The following RBFOX1 variants were observed in gnomAD, a reference collection of about 807,000 sequenced individuals.
RBFOX1 encodes the protein RNA binding protein fox-1 homolog 1.
A neutral mutation model predicts 57.7 loss-of-function variants in RBFOX1; 8 were observed. The observed-to-expected ratio is 0.14, with a 90% CI of 0.08 to 0.25. The LOEUF (loss-of-function observed/expected upper bound fraction) is 0.25. RBFOX1 is among the 10% of genes least tolerant of loss of function. The pLI is 1.00. For missense variants in RBFOX1, 611 were observed against 548.5 expected (o/e 1.11, Z -1.14); for synonymous variants, 326 against 222.4 (o/e 1.47, Z -4.15).
chr16:6,077,490 C>G (rs959543813), intron 1 of RBFOX1, among the ~76,000 whole-genome samples: 1 of 152,032 alleles, frequency 6.6e-6, no homozygotes, highest in Non-Finnish European at 1.5e-5. Flanking sequence ...CACCCATGAC[C>G]ACCACCATCC....
rs150699846 is a variant in RBFOX1 at position 6,272,794 on chromosome 16, A to C, written c.-126-44201A>C. Among the ~76,000 whole-genome samples the C allele has an allele frequency of 6.9e-4, 105 of 152,336 alleles. 1 individual carries two copies. The East Asian group carries it at 0.012, about 17-fold the overall frequency. Reference sequence around the variant, plus strand: ...GAAATAGACCTACATAAGTATGTCCAACTGATTTTTGACAAAGGTGAAAAG... The same window carrying C: ...GAAATAGACCTACATAAGTATGTCCCACTGATTTTTGACAAAGGTGAAAAG... On this transcript the variant is annotated intron_variant, in intron 1 of 15. Coordinates refer to ENST00000550418, the MANE Select transcript of RBFOX1 (RefSeq NM_018723.4).
At chr16:5,641,640 G>C (rs1479837866) in intron 3 of RBFOX1, among the ~76,000 whole-genome samples, 1 of 152,222 alleles carries the variant, frequency 6.6e-6, no homozygotes, top group South Asian at 2.1e-4. Context: ...TGGCACTGCA[G>C]TGGCCTGGGG....
At chr16:6,846,174 C>G (rs1284519528) in intron 3 of RBFOX1, among the ~76,000 whole-genome samples, 1 of 152,154 alleles carries the variant, frequency 6.6e-6, no homozygotes, top group Non-Finnish European at 1.5e-5. Flanking sequence ...GGTGGCCCAT[C>G]CAATAAATAT....
intron 5 of RBFOX1, among the ~76,000 whole-genome samples, chr16:7,560,241 C>T (rs915252713): frequency 6.6e-6 from 1 of 152,214 alleles, no homozygotes. Flanking sequence ...GTCAAGAACC[C>T]CCTATGGGGG....
At chr16:7,520,011 G>A (rs999233508) in intron 5 of RBFOX1, among the ~76,000 whole-genome samples, 3 of 151,854 alleles carry the variant, frequency 2.0e-5, no homozygotes, top group Non-Finnish European at 4.4e-5. Flanking sequence ...TCAGTCTCCC[G>A]AGTAGCTGGG....
intron 2 of RBFOX1, chr16:6,483,558 A>C: frequency 6.5e-7 from 1 of 1,531,780 alleles, no homozygotes; most frequent in Non-Finnish European, 8.7e-7. Context: ...CGGCGAGCGA[A>C]GAAGACTCTA....
intron 1 of RBFOX1, among the ~76,000 whole-genome samples, chr16:6,164,945 G>A (rs2096906337): frequency 6.6e-6 from 1 of 152,122 alleles, no homozygotes; most frequent in Admixed American, 6.6e-5. Context: ...TGGGGGGAAA[G>A]TGTGCAGTTC....
At chr16:5,936,626 G>C (rs1295177439) in intron 4 of RBFOX1, among the ~76,000 whole-genome samples, 2 of 152,186 alleles carry the variant, frequency 1.3e-5, no homozygotes, top group African/African-American at 2.4e-5. Context: ...GATGGTGGAT[G>C]ATGAACATTT....
Position 6,219,627 on chromosome 16 carries a change from C to A in RBFOX1, c.-126-97368C>A, listed in dbSNP as rs184338467. On this transcript the variant is annotated intron_variant, in intron 1 of 15. Coordinates refer to ENST00000550418, the MANE Select transcript of RBFOX1 (RefSeq NM_018723.4). Reference sequence around the variant, plus strand: ...TGGTGGCTCATGCTTGTAATCCCAGCATTTTGGGAGGCCGAGGTGGGCAGA... The same window carrying A: ...TGGTGGCTCATGCTTGTAATCCCAGAATTTTGGGAGGCCGAGGTGGGCAGA... Among the ~76,000 whole-genome samples, 8 of 152,178 alleles carry A rather than the reference C, an allele frequency of 5.3e-5. No individual in the cohort carries two copies. In the East Asian group the frequency reaches 1.5e-3, roughly 29 times the overall value.
chr16:5,361,934 C>T (rs1390364905), intron 1 of RBFOX1, among the ~76,000 whole-genome samples: 2 of 152,192 alleles, frequency 1.3e-5, no homozygotes, highest in African/African-American at 2.4e-5. Context: ...GGACAGCAGG[C>T]AGATAATGCT....
At chr16:6,835,681 G>T (rs537069052) in intron 3 of RBFOX1, among the ~76,000 whole-genome samples, 48 of 141,974 alleles carry the variant, frequency 3.4e-4, no homozygotes, top group African/African-American at 1.1e-3. Flanking sequence ...TTGAACCTCA[G>T]AGGTAGAGGT....
intron 5 of RBFOX1, among the ~76,000 whole-genome samples, chr16:7,560,935 T>C (rs573052384): frequency 3.2e-4 from 49 of 152,354 alleles, no homozygotes; most frequent in African/African-American, 1.1e-3. Context: ...GGCCGAATTA[T>C]GTATCCAAAT....
chr16:7,619,525 A>C (rs1233420227), intron 10 of RBFOX1, among the ~76,000 whole-genome samples: 2 of 152,198 alleles, frequency 1.3e-5, no homozygotes, highest in African/African-American at 4.8e-5. Flanking sequence ...TTAGAAGGCA[A>C]TTCAAGATGA....
At chr16:5,771,429 G>C (rs1219877449) in intron 3 of RBFOX1, among the ~76,000 whole-genome samples, 1 of 152,022 alleles carries the variant, frequency 6.6e-6, no homozygotes. Flanking sequence ...GTTTTCTTGA[G>C]GTGGAGTCTC....
At chr16:6,430,774 A>T in intron 2 of RBFOX1, among the ~76,000 whole-genome samples, 1 of 152,114 alleles carries the variant, frequency 6.6e-6, no homozygotes, top group Middle Eastern at 3.4e-3. Flanking sequence ...TAGAAAGGCC[A>T]CTCTGGCTGC....
Position 5,340,277 on chromosome 16 carries a change from A to G in RBFOX1, c.219+100172A>G, listed in dbSNP as rs1330752321. Among the ~76,000 whole-genome samples the G allele has an allele frequency of 2.0e-5, 3 of 152,276 alleles. No homozygotes were observed. In the South Asian group the frequency reaches 6.2e-4, roughly 32 times the overall value. The stretch of plus-strand genomic sequence containing the variant: ...TAAGACCATATGTTAAATACTGGGG[A>G]AAGGGGAGGAATTTGGACCAGGTTT... On this transcript the variant is annotated intron_variant, in intron 1 of 2. Coordinates refer to the RBFOX1 transcript ENST00000585867.
chr16:6,992,706 T>C (rs1049287590), intron 3 of RBFOX1, among the ~76,000 whole-genome samples: 35 of 152,108 alleles, frequency 2.3e-4, no homozygotes, highest in African/African-American at 8.2e-4. Flanking sequence ...AACCAGCTAA[T>C]GATTTTAGAG....
At chr16:7,007,795 C>T (rs895483838) in intron 3 of RBFOX1, among the ~76,000 whole-genome samples, 6 of 152,180 alleles carry the variant, frequency 3.9e-5, no homozygotes, top group African/African-American at 2.4e-5. Flanking sequence ...GGTAAGGCTG[C>T]TGCCATTGAA....
At chr16:6,634,951 TTA>T (rs2098420091) in intron 2 of RBFOX1, among the ~76,000 whole-genome samples, 2 of 141,132 alleles carry the variant, frequency 1.4e-5, no homozygotes. Context: ...GTAATTTAGT[TTA>T]TAATTATTAC....
Sources: gnomAD v4.1 joint callset for allele counts (sites outside exome capture counted in the v4.1 genomes callset) on GRCh38, gnomAD v4.1.1 for gene constraint, MANE v1.5 for transcripts, NCBI Gene and HGNC (gene_info 2026-07-23, HGNC 2026-07-21) for gene names.